P4HA3: variants seen among roughly 807,000 people sequenced by gnomAD.
P4HA3 encodes the protein prolyl 4-hydroxylase subunit alpha-3.
A neutral mutation model predicts 66.7 loss-of-function variants in P4HA3; 60 were observed. The observed-to-expected ratio is 0.90, with a 90% CI of 0.73 to 1.12. The LOEUF (loss-of-function observed/expected upper bound fraction) is 1.12, where lower values mean the gene tolerates loss of function less well. Among genes scored for constraint, P4HA3 ranks in the 50% most tolerant of loss-of-function variants. The pLI is 0.00. For missense variants in P4HA3, 683 were observed against 685.8 expected, an observed-to-expected ratio of 1.00 and a Z score of 0.05; for synonymous variants, 263 against 274.6, an observed-to-expected ratio of 0.96 and a Z score of 0.42.
intron 9 of P4HA3, among the ~76,000 whole-genome samples, chr11:74,275,818 A>AGG (rs2134738666): frequency 6.6e-6 from 1 of 152,338 alleles, no homozygotes; most frequent in Non-Finnish European, 1.5e-5. Context: ...AAAGGAAAAT[A>AGG]AAGTATTATA....
At chr11:74,296,177 C>A (rs1203495911) in intron 4 of P4HA3, among the ~76,000 whole-genome samples, 1 of 152,170 alleles carries the variant, frequency 6.6e-6, no homozygotes, top group Non-Finnish European at 1.5e-5. Context: ...CTCACTCAAT[C>A]CTCACAGCAA....
intron 15 of P4HA3, among the ~76,000 whole-genome samples, chr11:74,256,749 T>C (rs1859837922): frequency 6.6e-6 from 1 of 152,054 alleles, no homozygotes; most frequent in Admixed American, 6.5e-5. Flanking sequence ...TAGACACTAG[T>C]GAAAGTCCAA....
chr11:74,260,685 T>C lies in P4HA3; in HGVS notation c.*1105-549A>G, dbSNP rs2276135. Among the ~76,000 whole-genome samples, 1,381 of 152,260 alleles carry C rather than the reference T, an allele frequency of 9.1e-3. 47 individuals are homozygous for C. Among genetic ancestry groups the C allele is most frequent in the Admixed American group, 0.069 (1,062 of 15,294 alleles). On this transcript the variant is annotated intron_variant and NMD_transcript_variant, in intron 14 of 15. Transcript: ENST00000524388. ...AAGAGCACAAATGGTTTTATTAGGT[T>C]GGTGCAAAAGTAATTGTGTTTTTTT...
intron 9 of P4HA3, among the ~76,000 whole-genome samples, chr11:74,274,883 A>G (rs1860343435): frequency 2.0e-5 from 3 of 152,202 alleles, no homozygotes; most frequent in African/African-American, 7.2e-5. Context: ...AGCCATCATA[A>G]GAGAGTGCAG....
intron 4 of P4HA3, among the ~76,000 whole-genome samples, chr11:74,297,586 C>A (rs1208231303): frequency 1.3e-5 from 2 of 152,254 alleles, no homozygotes; most frequent in African/African-American, 4.8e-5. Flanking sequence ...TTATTGGCAG[C>A]TGCTTTATTT....
rs757263975 is a variant in P4HA3, at chr11:74,277,048, C to A, written c.1272G>T (p.Glu424Asp). The A allele has an allele frequency of 6.2e-7, 1 of 1,614,042 alleles. No homozygotes were observed. The highest frequency in any genetic ancestry group is 1.3e-5 in the African/African-American group (1 of 75,022). Reference protein sequence around the residue: ...TGLDVRPPYAEYLQVVNYGIG... With the variant: ...TGLDVRPPYADYLQVVNYGIG... ...TGCCATAGTTCACCACCTGCAGATA[C>A]TCTGCATAGGGAGGCCGGACATCAA... is the stretch of plus-strand genomic sequence containing the variant. Residue 424 changes from glutamate to aspartate, a missense_variant, in exon 9 of 13, where the codon GAG (glutamate) becomes GAT (aspartate). Coordinates refer to ENST00000331597, the MANE Select transcript of P4HA3 (RefSeq NM_182904.5).
intron 9 of P4HA3, 51 bp from the exon 10 acceptor site, chr11:74,273,658 G>A: frequency 1.4e-6 from 2 of 1,404,750 alleles, no homozygotes; most frequent in Admixed American, 2.5e-5. Flanking sequence ...GGCACCAGAG[G>A]GACAGGCAGG....
At chr11:74,294,000 C>A (rs1861126600) in intron 4 of P4HA3, among the ~76,000 whole-genome samples, 1 of 152,184 alleles carries the variant, frequency 6.6e-6, no homozygotes, top group Non-Finnish European at 1.5e-5. Context: ...GCCTGCCTTG[C>A]TAGATTGGGG....
chr11:74,285,720 A>G (rs974434341), intron 7 of P4HA3, 89 bp downstream of exon 7: 2 of 1,364,526 alleles, frequency 1.5e-6, no homozygotes, highest in Non-Finnish European at 2.0e-6. Flanking sequence ...TGAGGTGTCT[A>G]GTTGTTCAGG....
chr11:74,254,864 G>C (rs149437272), intron 15 of P4HA3, among the ~76,000 whole-genome samples: 391 of 152,108 alleles, frequency 2.6e-3, no homozygotes, highest in Middle Eastern at 0.01. Flanking sequence ...ATGCCCAGTG[G>C]GATGGTCAGA....
At chr11:74,304,501 C>G in intron 1 of P4HA3, 89 bp from the exon 2 acceptor site, 1 of 1,432,000 alleles carries the variant, frequency 7.0e-7, no homozygotes, top group African/African-American at 1.4e-5. Context: ...TTAAGAGTAG[C>G]TAACACTGAC....
At chr11:74,256,022 C>CA in intron 15 of P4HA3, 1 of 483,934 alleles carries the variant, frequency 2.1e-6, no homozygotes, top group African/African-American at 2.0e-5. Flanking sequence ...CAGGTTCACT[C>CA]AAATTTTGAA....
intron 2 of P4HA3, among the ~76,000 whole-genome samples, chr11:74,303,292 C>CT (rs779313817): frequency 0.042 from 5,139 of 123,222 alleles, 206 homozygotes; most frequent in African/African-American, 0.079. Flanking sequence ...CAACAAACTT[C>CT]TTTTTTTTTT....
At chr11:74,288,700 G>A (rs542233599) in intron 5 of P4HA3, among the ~76,000 whole-genome samples, 1 of 152,228 alleles carries the variant, frequency 6.6e-6, no homozygotes, top group African/African-American at 2.4e-5. Context: ...TGTAATCCTA[G>A]CACATTGGGA....
At chr11:74,253,193 A>G (rs569026129) in intron 15 of P4HA3, among the ~76,000 whole-genome samples, 1 of 152,326 alleles carries the variant, frequency 6.6e-6, no homozygotes, top group African/African-American at 2.4e-5. Flanking sequence ...CGACACCCCT[A>G]TGCTGAGCCA....
chr11:74,251,414 A>C, intron 15 of P4HA3: 1 of 1,390,146 alleles, frequency 7.2e-7, no homozygotes, highest in East Asian at 2.6e-5. Flanking sequence ...GGGCACACAT[A>C]AGCCCTTCAC....
intron 10 of P4HA3, among the ~76,000 whole-genome samples, chr11:74,272,814 A>G (rs1411396819): frequency 6.6e-6 from 1 of 152,216 alleles, no homozygotes; most frequent in Non-Finnish European, 1.5e-5. Flanking sequence ...ATCTCTTCTA[A>G]TAAGTGATTA....
At chr11:74,282,284 C>A (rs1480275684) in intron 7 of P4HA3, among the ~76,000 whole-genome samples, 1 of 152,174 alleles carries the variant, frequency 6.6e-6, no homozygotes, top group Non-Finnish European at 1.5e-5. Flanking sequence ...CTGTGCTAAG[C>A]ACTGTGCTAG....
chr11:74,292,790 A>G (rs1379029599), intron 4 of P4HA3, among the ~76,000 whole-genome samples: 1 of 152,002 alleles, frequency 6.6e-6, no homozygotes, highest in Non-Finnish European at 1.5e-5. Context: ...TTCTAGTTTG[A>G]CTGCACTGTG....
Sources: allele counts gnomAD v4.1 joint callset (sites outside exome capture counted in the v4.1 genomes callset), GRCh38; gene constraint gnomAD v4.1.1; transcripts MANE v1.5; gene names NCBI Gene and HGNC (gene_info 2026-07-23, HGNC 2026-07-21).